The following WWP1 variants were observed in gnomAD, a reference collection of about 807,000 sequenced individuals.
The protein encoded by WWP1 is WW domain containing E3 ubiquitin protein ligase 1.
WWP1 carries 49 observed loss-of-function variants against 130.6 expected under a neutral mutation model. The ratio of observed to expected loss-of-function variants is 0.38; its 90% CI spans 0.30 to 0.48. The LOEUF (loss-of-function observed/expected upper bound fraction) is 0.48. Ranked by LOEUF, WWP1 falls within the 20% of genes least tolerant of loss-of-function variation. WWP1 has a pLI of 0.99. For synonymous variants in WWP1, 332 were observed against 367.8 expected (o/e 0.90, Z 1.11); for missense variants, 809 against 1,100.6 (o/e 0.74, Z 3.75).
chr8:86,426,410 T>C (rs922074845), intron 10 of WWP1, among the ~76,000 whole-genome samples: 14 of 152,210 alleles, frequency 9.2e-5, no homozygotes, highest in African/African-American at 3.4e-4. Flanking sequence ...TTACAATCAT[T>C]TTATAAATTA....
intron 8 of WWP1, among the ~76,000 whole-genome samples, chr8:86,403,558 G>A (rs1448703921): frequency 6.6e-6 from 1 of 152,112 alleles, no homozygotes; most frequent in Non-Finnish European, 1.5e-5. Context: ...GCCTCCCAAA[G>A]TGCTGGGATT....
intron 3 of WWP1, among the ~76,000 whole-genome samples, chr8:86,377,627 A>G (rs1824741976): frequency 6.6e-6 from 1 of 152,188 alleles, no homozygotes; most frequent in Non-Finnish European, 1.5e-5. Context: ...TGATGGAAAA[A>G]ATCAAACAGA....
At chr8:86,353,509 C>A (rs1157664029) in intron 1 of WWP1, among the ~76,000 whole-genome samples, 1 of 150,630 alleles carries the variant, frequency 6.6e-6, no homozygotes, top group East Asian at 1.9e-4. Flanking sequence ...TTTTCTTCTT[C>A]TGAGACGGAG....
intron 21 of WWP1, among the ~76,000 whole-genome samples, chr8:86,454,557 C>A (rs925388130): frequency 6.6e-6 from 1 of 152,026 alleles, no homozygotes; most frequent in Non-Finnish European, 1.5e-5. Flanking sequence ...TAAAAACCAT[C>A]GACTTCATTT....
chr8:86,413,361 C>T (rs1232934116), intron 9 of WWP1, among the ~76,000 whole-genome samples: 1 of 152,090 alleles, frequency 6.6e-6, no homozygotes, highest in Non-Finnish European at 1.5e-5. Flanking sequence ...GCTGTTCTTA[C>T]TGTCAAGAAC....
At chr8:86,360,153 C>A (rs28622177) in intron 1 of WWP1, among the ~76,000 whole-genome samples, 2 of 149,044 alleles carry the variant, frequency 1.3e-5, no homozygotes, top group Non-Finnish European at 3.0e-5. Flanking sequence ...AAAAAAAAAA[C>A]AAAAAACCAA....
chr8:86,378,619 G>A (rs1824806831), intron 3 of WWP1, among the ~76,000 whole-genome samples: 2 of 151,970 alleles, frequency 1.3e-5, no homozygotes, highest in Admixed American at 1.3e-4. Flanking sequence ...AATTAATAAG[G>A]TTGTCTTCTA....
At chr8:86,367,310 A>G (rs945931225) in intron 1 of WWP1, among the ~76,000 whole-genome samples, 4 of 152,244 alleles carry the variant, frequency 2.6e-5, no homozygotes, top group African/African-American at 4.8e-5. Context: ...GATATGTGAC[A>G]GCATTTATTT....
chr8:86,418,720 G>A (rs1809028444), intron 9 of WWP1, among the ~76,000 whole-genome samples: 1 of 152,118 alleles, frequency 6.6e-6, no homozygotes, highest in Admixed American at 6.5e-5. Flanking sequence ...TGACGCTTGG[G>A]AACACCAGGC....
Position 86,441,634 on chromosome 8 carries a change from C to T in WWP1, c.1839-985C>T, listed in dbSNP as rs1338354056. On this transcript the variant is annotated intron_variant, in intron 17 of 24. Coordinates refer to ENST00000517970, the MANE Select transcript of WWP1 (RefSeq NM_007013.4). Reference sequence around the variant, plus strand: ...AGTGGGCTGAATCAGAGTTGTTTCCCCTGTAGATTAGCATATACTCTGTTT... The same window carrying T: ...AGTGGGCTGAATCAGAGTTGTTTCCTCTGTAGATTAGCATATACTCTGTTT... Among the ~76,000 whole-genome samples, 5 of 145,588 alleles carry T rather than the reference C, an allele frequency of 3.4e-5. No individual in the cohort carries two copies. The South Asian group carries it at 8.8e-4, about 26-fold the overall frequency.
At chr8:86,414,227 C>CTGTG (rs35397366) in intron 9 of WWP1, among the ~76,000 whole-genome samples, 4,453 of 151,058 alleles carry the variant, frequency 0.029, 74 homozygotes, top group Middle Eastern at 0.041. Context: ...GTTTGTTTTT[C>CTGTG]TGTGTGTGTG....
chr8:86,422,485 G>A (rs545149678), intron 9 of WWP1, among the ~76,000 whole-genome samples: 4 of 151,722 alleles, frequency 2.6e-5, no homozygotes, highest in East Asian at 1.9e-4. Context: ...TCAGCATACC[G>A]AGTAGCTTGG....
At chr8:86,361,221 C>T (rs1355032113) in intron 1 of WWP1, among the ~76,000 whole-genome samples, 1 of 152,046 alleles carries the variant, frequency 6.6e-6, no homozygotes, top group Non-Finnish European at 1.5e-5. Context: ...AAATTATGGG[C>T]TTGGAGATAA....
intron 1 of WWP1, among the ~76,000 whole-genome samples, chr8:86,349,954 A>G (rs542583113): frequency 8.5e-5 from 13 of 152,072 alleles, no homozygotes; most frequent in East Asian, 1.9e-4. Flanking sequence ...TTTCTTGACT[A>G]TCACTCTGGC....
At chr8:86,383,384 ATCT>A (rs765377339) in intron 5 of WWP1, among the ~76,000 whole-genome samples, 4 of 152,220 alleles carry the variant, frequency 2.6e-5, no homozygotes, top group Non-Finnish European at 5.9e-5. Context: ...CTGCCAAATG[ATCT>A]TCTAGGAAGG....
At chr8:86,432,396 A>G (rs1001438768) in intron 14 of WWP1, among the ~76,000 whole-genome samples, 3 of 152,022 alleles carry the variant, frequency 2.0e-5, no homozygotes, top group African/African-American at 4.8e-5. Context: ...GTTATTATCA[A>G]AGTCTCGTCC....
At chr8:86,453,452 A>T (rs1020935583) in intron 21 of WWP1, among the ~76,000 whole-genome samples, 1 of 152,076 alleles carries the variant, frequency 6.6e-6, no homozygotes, top group Non-Finnish European at 1.5e-5. Flanking sequence ...CCCTTGAGGG[A>T]CCTTTGTGTG....
chr8:86,457,921 G>A lies in WWP1; in HGVS notation c.2395G>A (p.Val799Ile). The change falls in exon 22 of 25, where the codon GTT becomes ATT. Residue 799 changes from valine to isoleucine, a missense_variant and splice_region_variant. Transcript: ENST00000517970. ...LQYFDEKELE[V>I]MLCGMQEVDL... ...GCCTGATTCTGTGCTCATTTCCCAG[G>A]TTATGTTGTGTGGCATGCAGGAGGT... The A allele has an allele frequency of 6.2e-7, 1 of 1,612,606 alleles. No individual in the cohort carries two copies. The highest frequency in any genetic ancestry group is 8.5e-7 in the Non-Finnish European group (1 of 1,178,946).
At chr8:86,392,508 G>A (rs1314015933) in intron 5 of WWP1, among the ~76,000 whole-genome samples, 2 of 152,068 alleles carry the variant, frequency 1.3e-5, no homozygotes, top group African/African-American at 2.4e-5. Flanking sequence ...GTCAAGGAAA[G>A]CATTTTGAAA....
Sources: gnomAD v4.1 joint callset for allele counts (sites outside exome capture counted in the v4.1 genomes callset) on GRCh38, gnomAD v4.1.1 for gene constraint, MANE v1.5 for transcripts, NCBI Gene and HGNC (gene_info 2026-07-23, HGNC 2026-07-21) for gene names.